Variants in BMPR2 observed in about 807,000 individuals in gnomAD.
BMPR2 encodes bone morphogenetic protein receptor type 2, also known as bone morphogenetic protein receptor type-2.
In BMPR2, 29 loss-of-function variants were observed where a neutral mutation model predicts 100.8. The observed-to-expected ratio is 0.29, with a 90% CI of 0.21 to 0.39. The LOEUF is 0.39. Among genes scored for constraint, BMPR2 ranks in the 10% least tolerant of loss-of-function variants. BMPR2 has a pLI of 1.00. For synonymous variants in BMPR2, 382 were observed against 442.3 expected, an observed-to-expected ratio of 0.86 and a Z score of 1.71; for missense variants, 1,011 against 1,274.5, an observed-to-expected ratio of 0.79 and a Z score of 3.15.
intron 3 of BMPR2, among the ~76,000 whole-genome samples, chr2:202,493,830 A>G (rs1205045599): frequency 6.6e-6 from 1 of 152,104 alleles, no homozygotes; most frequent in African/African-American, 2.4e-5. Context: ...TGTTTCTTTC[A>G]TAATTCACTC....
At chr2:202,398,126 T>A (rs936567307) in intron 1 of BMPR2, among the ~76,000 whole-genome samples, 1 of 149,474 alleles carries the variant, frequency 6.7e-6, no homozygotes, top group Non-Finnish European at 1.5e-5. Flanking sequence ...AAAAAAAAAA[T>A]CTATACTTAC....
intron 9 of BMPR2, among the ~76,000 whole-genome samples, chr2:202,534,707 A>G (rs1177158962): frequency 6.6e-6 from 1 of 151,002 alleles, no homozygotes; most frequent in Admixed American, 6.6e-5. Flanking sequence ...TCTTTTCCCC[A>G]CCTTTCCCGC....
chr2:202,555,663 C>T lies in BMPR2; in HGVS notation c.1998C>T (p.Asn666=). Residue 666 remains asparagine, a synonymous_variant, in exon 12 of 13, where the codon AAC becomes AAT. Coordinates refer to ENST00000374580, the MANE Select transcript of BMPR2 (RefSeq NM_001204.7). ...TGACAGAAGAAGACTTGGAAACCAACAAGCTAGACCCAAAAGAAGTTGATA... is the reference window on the plus strand; with the variant it reads ...TGACAGAAGAAGACTTGGAAACCAATAAGCTAGACCCAAAAGAAGTTGATA... ...LQLTEEDLET[N]KLDPKEVDKN... 1 of 1,614,104 alleles carries T rather than the reference C, an allele frequency of 6.2e-7. No individual in the cohort carries two copies. The highest frequency in any genetic ancestry group is 8.5e-7 in the Non-Finnish European group (1 of 1,180,030).
chr2:202,397,504 G>GTT (rs11389726), intron 1 of BMPR2, among the ~76,000 whole-genome samples: 26 of 140,088 alleles, frequency 1.9e-4, no homozygotes, highest in African/African-American at 2.9e-4. Flanking sequence ...GTTTTTTTTT[G>GTT]TTTTTTTTTT....
rs190445442 is a variant in BMPR2 at position 202,436,939 on chromosome 2, A to G, written c.77-27870A>G. ...CATATCTCTTTTTTTCCTTATTTCC[A>G]TGCTTTCCCATTTTATTCACATGGA... On this transcript the variant is annotated intron_variant, in intron 1 of 12. Coordinates refer to ENST00000374580, the MANE Select transcript of BMPR2 (RefSeq NM_001204.7). Among the ~76,000 whole-genome samples the G allele has an allele frequency of 2.6e-3, 391 of 150,402 alleles. 28 individuals are homozygous for G. Among genetic ancestry groups the G allele is most frequent in the African/African-American group, 9.1e-3 (362 of 39,876 alleles).
chr2:202,435,376 C>CATAT (rs141854934), intron 1 of BMPR2, among the ~76,000 whole-genome samples: 7,121 of 103,134 alleles, frequency 0.069, 343 homozygotes, highest in Middle Eastern at 0.077. Context: ...AAAAAAAATA[C>CATAT]ATATATATAT....
chr2:202,553,916 G>A (rs2351165), intron 11 of BMPR2, among the ~76,000 whole-genome samples: 25,615 of 152,054 alleles, frequency 0.17, 2,470 homozygotes, highest in Middle Eastern at 0.24. Flanking sequence ...TCAAACTCCC[G>A]ACCCCTGGTG....
intron 7 of BMPR2, among the ~76,000 whole-genome samples, chr2:202,524,965 G>A (rs1474000932): frequency 2.6e-5 from 4 of 152,000 alleles, no homozygotes; most frequent in African/African-American, 4.8e-5. Context: ...CAACAAGAGC[G>A]AAACTCCATC....
rs1387736990 is a variant in BMPR2, at chr2:202,446,309, G to A, written c.77-18500G>A. 2.0e-5 allele frequency among the ~76,000 whole-genome samples: 3 copies of A among 150,190 alleles called. No individual in the cohort carries two copies. In the East Asian group the frequency reaches 5.9e-4, roughly 29 times the overall value. On this transcript the variant is annotated intron_variant, in intron 1 of 12. Transcript: ENST00000374580. ...AGCTACTTGGGAGGCTGAGGCAGGA[G>A]AATGCTTGAACCTGGGAGGCAGAAG... is the stretch of plus-strand genomic sequence containing the variant.
chr2:202,407,476 A>C (rs1381362566), intron 1 of BMPR2, among the ~76,000 whole-genome samples: 1 of 152,022 alleles, frequency 6.6e-6, no homozygotes, highest in Non-Finnish European at 1.5e-5. Context: ...ACTGCTCCTT[A>C]ATAATACTGT....
chr2:202,520,003 C>T, intron 6 of BMPR2, 84 bp from the exon 7 acceptor site: 1 of 860,328 alleles, frequency 1.2e-6, no homozygotes, highest in Non-Finnish European at 1.9e-6. Flanking sequence ...TTTGCAAATT[C>T]TTTATAAGGA....
chr2:202,387,246 C>G (rs1453514894), intron 1 of BMPR2, among the ~76,000 whole-genome samples: 2 of 152,154 alleles, frequency 1.3e-5, no homozygotes, highest in African/African-American at 2.4e-5. Context: ...ACAGTGGCTA[C>G]AATTAGTTAA....
chr2:202,400,738 T>A (rs1285839529), intron 1 of BMPR2, among the ~76,000 whole-genome samples: 1 of 152,222 alleles, frequency 6.6e-6, no homozygotes, highest in East Asian at 1.9e-4. Context: ...ATTATCTGAT[T>A]AGTGCATAGT....
chr2:202,391,954 G>A (rs1292507685), intron 1 of BMPR2, among the ~76,000 whole-genome samples: 1 of 151,556 alleles, frequency 6.6e-6, no homozygotes, highest in African/African-American at 2.4e-5. Flanking sequence ...TAGAGATGAG[G>A]TTTCACCATA....
At chr2:202,559,276 T>C (rs887460669) in intron 12 of BMPR2, among the ~76,000 whole-genome samples, 1 of 150,358 alleles carries the variant, frequency 6.7e-6, no homozygotes, top group African/African-American at 2.5e-5. Flanking sequence ...CACTCCAGCC[T>C]GGGCTACAGA....
chr2:202,559,380 T>G (rs1688642920), intron 12 of BMPR2, among the ~76,000 whole-genome samples: 2 of 152,104 alleles, frequency 1.3e-5, no homozygotes, highest in South Asian at 4.1e-4. Flanking sequence ...TTTTACCAAG[T>G]TAAGATCGCT....
At chr2:202,449,286 C>G (rs1358726476) in intron 1 of BMPR2, among the ~76,000 whole-genome samples, 1 of 150,422 alleles carries the variant, frequency 6.6e-6, no homozygotes, top group Non-Finnish European at 1.5e-5. Flanking sequence ...CCAGCCTGGT[C>G]AACAAGAGCG....
Position 202,414,532 on chromosome 2 carries a change from T to G in BMPR2, c.76+36982T>G, listed in dbSNP as rs1574435726. On this transcript the variant is annotated intron_variant, in intron 1 of 12. Coordinates refer to ENST00000374580, the MANE Select transcript of BMPR2 (RefSeq NM_001204.7). The stretch of plus-strand genomic sequence containing the variant: ...GCCAAGACAGGCTGAAAGCTAGGCC[T>G]TTTGCTCCAGTTAGCCAAGTTGTGA... Among the ~76,000 whole-genome samples the G allele has an allele frequency of 2.0e-5, 3 of 152,330 alleles. No homozygotes were observed. The South Asian group carries it at 6.2e-4, about 32-fold the overall frequency.
At chr2:202,541,413 A>C (rs1452209632) in intron 9 of BMPR2, among the ~76,000 whole-genome samples, 3 of 152,230 alleles carry the variant, frequency 2.0e-5, no homozygotes, top group Non-Finnish European at 4.4e-5. Context: ...TGGGCAACAA[A>C]GTGAGAGCGT....
Sources: allele counts gnomAD v4.1 joint callset (sites outside exome capture counted in the v4.1 genomes callset), GRCh38; gene constraint gnomAD v4.1.1; transcripts MANE v1.5; gene names NCBI Gene and HGNC (gene_info 2026-07-23, HGNC 2026-07-21).